The following SACM1L variants were observed in gnomAD, a reference collection of about 807,000 sequenced individuals.
The protein encoded by SACM1L is phosphatidylinositol-3-phosphatase SAC1.
SACM1L carries 32 observed loss-of-function variants against 89.5 expected under a neutral mutation model. The observed-to-expected ratio is 0.36, with a 90% CI of 0.27 to 0.48. The LOEUF (loss-of-function observed/expected upper bound fraction) is 0.48. Ranked by LOEUF, SACM1L falls within the 20% of genes least tolerant of loss-of-function variation. The pLI is 0.99. For missense variants in SACM1L, 543 were observed against 708.5 expected, an observed-to-expected ratio of 0.77 and a Z score of 2.65; for synonymous variants, 213 against 232.8, an observed-to-expected ratio of 0.92 and a Z score of 0.77.
At chr3:45,711,842 T>C (rs1559541741) in intron 5 of SACM1L, among the ~76,000 whole-genome samples, 2 of 152,212 alleles carry the variant, frequency 1.3e-5, no homozygotes, top group Non-Finnish European at 2.9e-5. Flanking sequence ...CTTTGACACT[T>C]ACAGAGAAAT....
rs1055207530 is a variant in SACM1L at position 45,714,012 on chromosome 3, G to C, written c.544-34G>C. ...TATATAATGCTTATTTATTTTTAAA[G>C]TATATTTATTCTAAATATATATCTT... On this transcript the variant is annotated intron_variant, in intron 6 of 19. Coordinates refer to ENST00000389061, the MANE Select transcript of SACM1L (RefSeq NM_014016.5). 4 of 1,156,624 alleles carry C rather than the reference G, an allele frequency of 3.5e-6. No homozygotes were observed. In the Admixed American group the frequency reaches 8.4e-5, roughly 24 times the overall value. 71.6% of individuals were successfully genotyped at this position (1,156,624 alleles called of 1,614,324 possible).
chr3:45,724,298 G>GGTGTGTGTGTGTGTGTGTGTGT (rs61075879), intron 11 of SACM1L, among the ~76,000 whole-genome samples: 3 of 139,716 alleles, frequency 2.1e-5, no homozygotes, highest in Admixed American at 7.2e-5. Context: ...GTTGTTTTCT[G>GGTGTGTGTGTGTGTGTGTGTGT]GTGTGTGTGT....
At chr3:45,691,609 C>A (rs1051555858) in intron 1 of SACM1L, among the ~76,000 whole-genome samples, 4 of 123,678 alleles carry the variant, frequency 3.2e-5, no homozygotes, top group African/African-American at 1.2e-4. Context: ...TTTTTTTTTT[C>A]TTTTGTTTCG....
chr3:45,731,841 A>G (rs573262491), intron 12 of SACM1L, among the ~76,000 whole-genome samples: 1 of 152,062 alleles, frequency 6.6e-6, no homozygotes, highest in Non-Finnish European at 1.5e-5. Flanking sequence ...TCATATATAT[A>G]TTTTTTCCTC....
chr3:45,739,783 C>A, intron 19 of SACM1L, 139 bp downstream of exon 19: 3 of 780,252 alleles, frequency 3.8e-6, no homozygotes, highest in South Asian at 1.6e-5. Flanking sequence ...ATTAGATTGT[C>A]ATTAGATGTG....
intron 11 of SACM1L, chr3:45,730,560 G>A (rs1210136435): frequency 1.3e-5 from 2 of 152,212 alleles, no homozygotes; most frequent in Non-Finnish European, 1.5e-5. Flanking sequence ...GCTGTATGCT[G>A]GGGCAGTCCT....
intron 5 of SACM1L, among the ~76,000 whole-genome samples, chr3:45,711,147 A>G (rs1355217781): frequency 6.6e-6 from 1 of 152,174 alleles, no homozygotes; most frequent in East Asian, 1.9e-4. Context: ...ACAACTTTAT[A>G]AAGTAAGGTA....
At chr3:45,696,625 A>T (rs1575383002) in intron 1 of SACM1L, among the ~76,000 whole-genome samples, 1 of 148,676 alleles carries the variant, frequency 6.7e-6, no homozygotes, top group South Asian at 2.1e-4. Flanking sequence ...CCTAGCCAAC[A>T]CTCGTTATTT....
rs140774698 is a variant in SACM1L at position 45,701,361 on chromosome 3, T to C, written c.33-2077T>C. On this transcript the variant is annotated intron_variant, in intron 1 of 19. Transcript: ENST00000389061. The stretch of plus-strand genomic sequence containing the variant: ...AAAGCACTGAAATTCCTGGCTCAGC[T>C]TTCCCTGGAATGTATTCATCACCTG... 2.9e-3 allele frequency among the ~76,000 whole-genome samples: 438 copies of C among 152,306 alleles called. 1 individual carries two copies. The highest frequency in any genetic ancestry group is 4.8e-3 in the Non-Finnish European group (328 of 68,028).
At chr3:45,693,104 C>T (rs1698035650) in intron 1 of SACM1L, among the ~76,000 whole-genome samples, 1 of 152,148 alleles carries the variant, frequency 6.6e-6, no homozygotes, top group South Asian at 2.1e-4. Flanking sequence ...GTACTGAATA[C>T]TGTAGGCAGT....
At chr3:45,736,606 T>C (rs1310845337) in intron 14 of SACM1L, among the ~76,000 whole-genome samples, 1 of 152,226 alleles carries the variant, frequency 6.6e-6, no homozygotes, top group Non-Finnish European at 1.5e-5. Flanking sequence ...TTGTGCTATG[T>C]CCTCGTCTGT....
intron 1 of SACM1L, among the ~76,000 whole-genome samples, chr3:45,694,377 A>G (rs771839336): frequency 6.6e-6 from 1 of 152,172 alleles, no homozygotes; most frequent in Non-Finnish European, 1.5e-5. Flanking sequence ...AACCTAAGCT[A>G]CCTTGTGATA....
At position 45,743,626 on chromosome 3, in the gene SACM1L, T is replaced by A; in HGVS notation, c.1721T>A (p.Phe574Tyr). The A allele has an allele frequency of 6.2e-7, 1 of 1,614,132 alleles. No individual in the cohort carries two copies. Among genetic ancestry groups the A allele is most frequent in the Non-Finnish European group, 8.5e-7 (1 of 1,179,978 alleles). Residue 574 changes from phenylalanine to tyrosine, a missense_variant, in exon 20 of 20, where the codon TTT (phenylalanine) becomes TAT (tyrosine). Transcript: ENST00000389061. The part of the protein sequence containing the change: ...FFIILYNGKD[F>Y]VDAPRLVQKE... ...ATCATTCTTTACAATGGCAAAGATT[T>A]TGTCGATGCTCCCAGACTGGTCCAG...
chr3:45,721,223 A>G (rs1220639607), intron 8 of SACM1L, among the ~76,000 whole-genome samples: 1 of 152,234 alleles, frequency 6.6e-6, no homozygotes, highest in African/African-American at 2.4e-5. Context: ...ACAAAATATT[A>G]TAAACTAGCC....
In SACM1L at chr3:45,738,632, A is replaced by G. The variant is rs1265428502; in HGVS notation, c.1437A>G (p.Ile479Met). 5 of 1,612,730 alleles carry G rather than the reference A, an allele frequency of 3.1e-6. No homozygotes were observed. Among genetic ancestry groups the G allele is most frequent in the Non-Finnish European group, 4.2e-6 (5 of 1,178,940 alleles). Reference protein sequence around the residue: ...GLIMDGWNSMIRYYKNNFSDG... With the variant: ...GLIMDGWNSMMRYYKNNFSDG... ...TAATGGATGGCTGGAACTCAATGATACGATATTATAAGAACAACTTTTCCG... is the reference window on the plus strand; with the variant it reads ...TAATGGATGGCTGGAACTCAATGATGCGATATTATAAGAACAACTTTTCCG... The change falls in exon 17 of 20, where the codon ATA becomes ATG. Residue 479 changes from isoleucine (I) to methionine (M), a missense_variant. Physicochemically the swap from Ile to Met is conservative, Grantham distance 10. This residue lies in a region of SACM1L where 370 missense variants were observed against 527.6 expected (regional missense o/e 0.70). Coordinates refer to ENST00000389061, the MANE Select transcript of SACM1L (RefSeq NM_014016.5).
Position 45,737,585 on chromosome 3 carries a change from A to G in SACM1L, c.1242A>G (p.Arg414=), listed in dbSNP as rs746780442. Residue 414 remains arginine (R), a splice_region_variant and synonymous_variant, in exon 15 of 20, where the codon AGA becomes AGG. Coordinates refer to ENST00000389061, the MANE Select transcript of SACM1L (RefSeq NM_014016.5). ...ARRSLQAQLQ[R]LGVLHVGQKL... The stretch of plus-strand genomic sequence containing the variant: ...CTGGGTGTGGTTTTTTATTCCAGAG[A>G]CTAGGAGTTTTGCATGTGGGACAAA... 4 of 1,595,594 alleles carry G rather than the reference A, an allele frequency of 2.5e-6. No homozygotes were observed. Among genetic ancestry groups the G allele is most frequent in the Non-Finnish European group, 3.4e-6 (4 of 1,175,594 alleles).
At chr3:45,714,280 A>T (rs1055093057) in intron 7 of SACM1L, among the ~76,000 whole-genome samples, 1 of 147,926 alleles carries the variant, frequency 6.8e-6, no homozygotes, top group Non-Finnish European at 1.5e-5. Flanking sequence ...AGACTATACG[A>T]TTCTCTCTCT....
At chr3:45,709,405 G>A (rs1698471296) in intron 4 of SACM1L, 93 bp from the exon 5 acceptor site, 3 of 1,146,002 alleles carry the variant, frequency 2.6e-6, no homozygotes, top group Non-Finnish European at 2.5e-6. Flanking sequence ...TCTTTAATGA[G>A]ACTGGACTTA....
intron 4 of SACM1L, among the ~76,000 whole-genome samples, chr3:45,708,891 A>G (rs1698458612): frequency 6.6e-6 from 1 of 152,242 alleles, no homozygotes; most frequent in Non-Finnish European, 1.5e-5. Flanking sequence ...CTTAGTATTC[A>G]TTGGGAAAGC....
Sources: allele counts gnomAD v4.1 joint callset (sites outside exome capture counted in the v4.1 genomes callset), GRCh38; gene constraint gnomAD v4.1.1; regional missense constraint gnomAD v4.1.1; transcripts MANE v1.5; gene names NCBI Gene and HGNC (gene_info 2026-07-23, HGNC 2026-07-21).